The following MTSS1 variants were observed in gnomAD, a reference collection of about 807,000 sequenced individuals.
MTSS1 encodes MTSS I-BAR domain containing 1.
MTSS1 carries 18 observed loss-of-function variants against 79.0 expected under a neutral mutation model. That is an observed-to-expected ratio of 0.23 (90% CI 0.16 to 0.34). The LOEUF is 0.34. MTSS1 is among the 10% of genes least tolerant of loss of function. The pLI is 1.00. For synonymous variants in MTSS1, 341 were observed against 368.6 expected (o/e 0.93, Z 0.86); for missense variants, 815 against 986.2 (o/e 0.83, Z 2.33).
At chr8:124,559,735 A>T (rs563780656) in intron 10 of MTSS1, among the ~76,000 whole-genome samples, 36 of 152,304 alleles carry the variant, frequency 2.4e-4, no homozygotes, top group East Asian at 5.8e-4. Context: ...AACATAATGA[A>T]TGAGTGACAA....
intron 11 of MTSS1, among the ~76,000 whole-genome samples, chr8:124,557,058 TC>T (rs1407247419): frequency 6.6e-6 from 1 of 152,226 alleles, no homozygotes; most frequent in Non-Finnish European, 1.5e-5. Context: ...GAGCAGATTA[TC>T]CTCCTGGAGG....
rs552694201 is a variant in MTSS1 at position 124,645,002 on chromosome 8, G to A, written c.209-53767C>T. 1.8e-4 allele frequency among the ~76,000 whole-genome samples: 27 copies of A among 152,280 alleles called. No homozygotes were observed. In the South Asian group the frequency reaches 5.4e-3, roughly 30 times the overall value. ...TATATGTGGCATTGATAGGTCTTGA[G>A]GCCCAAATGTAGAGAAGGACATTTC... On this transcript the variant is annotated intron_variant, in intron 3 of 13. Transcript: ENST00000518547.
chr8:124,693,937 C>T (rs1390257967), intron 3 of MTSS1, among the ~76,000 whole-genome samples: 1 of 152,102 alleles, frequency 6.6e-6, no homozygotes, highest in African/African-American at 2.4e-5. Flanking sequence ...GGCTCCTAGG[C>T]CCTTTATAGG....
chr8:124,650,527 G>A (rs942743811), intron 3 of MTSS1, among the ~76,000 whole-genome samples: 3 of 151,900 alleles, frequency 2.0e-5, no homozygotes, highest in African/African-American at 4.8e-5. Flanking sequence ...GCGTTTCCTC[G>A]CCCTTCTCTC....
At chr8:124,695,251 T>C (rs1353960539) in intron 3 of MTSS1, among the ~76,000 whole-genome samples, 1 of 152,208 alleles carries the variant, frequency 6.6e-6, no homozygotes, top group East Asian at 1.9e-4. Context: ...AGCGACCTGC[T>C]AGCTTGAAAT....
Position 124,557,767 on chromosome 8 carries a change from C to T in MTSS1, c.1144G>A (p.Val382Ile). ...TAGTCTGGAAGGTGGACAGAGGTGA[C>T]CCGAGGGAGCAGGCGGGAGGCAGGC... ...CLPASRLLPR[V>I]TSVHLPDYAH... The change falls in exon 11 of 14, where the codon GTC becomes ATC. Residue 382 changes from valine to isoleucine, a missense_variant. Val to Ile is a conservative substitution (Grantham distance 29). Coordinates refer to ENST00000518547, the MANE Select transcript of MTSS1 (RefSeq NM_014751.6). The T allele has an allele frequency of 1.2e-6, 2 of 1,605,594 alleles. No individual in the cohort carries two copies. The highest frequency in any genetic ancestry group is 1.7e-6 in the Non-Finnish European group (2 of 1,176,244).
At chr8:124,699,276 A>AT (rs1203621468) in intron 3 of MTSS1, 1 of 497,254 alleles carries the variant, frequency 2.0e-6, no homozygotes. Context: ...CAAAGAACCC[A>AT]TCAAGCCAAC....
chr8:124,690,900 T>G (rs1465895404), intron 3 of MTSS1, among the ~76,000 whole-genome samples: 1 of 152,198 alleles, frequency 6.6e-6, no homozygotes, highest in Non-Finnish European at 1.5e-5. Context: ...ATATACAGAT[T>G]CATTTGTTAT....
chr8:124,577,398 C>T (rs747187003), intron 6 of MTSS1, among the ~76,000 whole-genome samples: 19 of 152,274 alleles, frequency 1.2e-4, no homozygotes, highest in Non-Finnish European at 2.2e-4. Context: ...TGCAGGTGCA[C>T]GCCACCACAC....
rs189588040 is a variant in MTSS1, at chr8:124,623,034, C to T, written c.209-31799G>A. On this transcript the variant is annotated intron_variant, in intron 3 of 13. Transcript: ENST00000518547. Reference sequence around the variant, plus strand: ...AACGATCCAGCCTGCTTGCCTTTCTCACACCTTCCAGGAGGGCAGGTCACT... The same window carrying T: ...AACGATCCAGCCTGCTTGCCTTTCTTACACCTTCCAGGAGGGCAGGTCACT... Among the ~76,000 whole-genome samples, 24 of 152,318 alleles carry T rather than the reference C, an allele frequency of 1.6e-4. No individual in the cohort carries two copies. In the East Asian group the frequency reaches 4.6e-3, roughly 29 times the overall value.
At chr8:124,661,610 G>A (rs1038157114) in intron 3 of MTSS1, among the ~76,000 whole-genome samples, 1 of 152,188 alleles carries the variant, frequency 6.6e-6, no homozygotes, top group African/African-American at 2.4e-5. Flanking sequence ...ACTGCTGGGA[G>A]AGGCACGAAG....
chr8:124,685,854 A>T (rs1826874843), intron 3 of MTSS1, among the ~76,000 whole-genome samples: 1 of 152,188 alleles, frequency 6.6e-6, no homozygotes, highest in African/African-American at 2.4e-5. Context: ...GATCCCAAAC[A>T]GCGGCAGAAG....
chr8:124,556,522 C>A (rs1823835005), intron 11 of MTSS1, 117 bp from the exon 12 acceptor site: 1 of 1,172,344 alleles, frequency 8.5e-7, no homozygotes, highest in East Asian at 2.6e-5. Context: ...GAACCTCCGG[C>A]TGGGACAAGC....
chr8:124,719,576 T>C (rs1468659687), intron 1 of MTSS1, among the ~76,000 whole-genome samples: 1 of 152,188 alleles, frequency 6.6e-6, no homozygotes, highest in Non-Finnish European at 1.5e-5. Flanking sequence ...CAGGTGTTCC[T>C]CCACCCCCCA....
chr8:124,584,895 C>T (rs965763243), intron 6 of MTSS1, among the ~76,000 whole-genome samples, 192 bp downstream of exon 6: 3 of 152,220 alleles, frequency 2.0e-5, no homozygotes, highest in Non-Finnish European at 4.4e-5. Context: ...TCAAGTACCA[C>T]TTGGCAAAGG....
At chr8:124,652,528 C>A (rs1186847717) in intron 3 of MTSS1, among the ~76,000 whole-genome samples, 1 of 152,118 alleles carries the variant, frequency 6.6e-6, no homozygotes, top group Non-Finnish European at 1.5e-5. Context: ...ACAATGTAAG[C>A]CACATGAGTC....
intron 3 of MTSS1, among the ~76,000 whole-genome samples, chr8:124,663,589 G>A (rs1587672641): frequency 1.3e-5 from 2 of 152,080 alleles, no homozygotes; most frequent in South Asian, 4.2e-4. Context: ...AATAGATTCT[G>A]TAAATTTTCC....
chr8:124,678,002 G>T (rs1234363530), intron 3 of MTSS1, among the ~76,000 whole-genome samples: 2 of 152,088 alleles, frequency 1.3e-5, no homozygotes, highest in East Asian at 1.9e-4. Context: ...TGGTCATGCT[G>T]CCAGAAAGAA....
At chr8:124,563,949 G>A (rs912550146) in intron 9 of MTSS1, among the ~76,000 whole-genome samples, 1 of 151,998 alleles carries the variant, frequency 6.6e-6, no homozygotes. Context: ...TGGCCAATAC[G>A]GTGAAACCCC....
Sources: gnomAD v4.1 joint callset for allele counts (sites outside exome capture counted in the v4.1 genomes callset) on GRCh38, gnomAD v4.1.1 for gene constraint, MANE v1.5 for transcripts, NCBI Gene and HGNC (gene_info 2026-07-23, HGNC 2026-07-21) for gene names.